SDK2: variants seen among roughly 807,000 people sequenced by gnomAD.
The protein encoded by SDK2 is protein sidekick-2.
Under a neutral mutation model 253.9 loss-of-function variants are expected in SDK2, and 105 were observed. The ratio of observed to expected loss-of-function variants is 0.41; its 90% CI spans 0.35 to 0.49. The LOEUF (loss-of-function observed/expected upper bound fraction) is 0.49, where lower values mean the gene tolerates loss of function less well. Ranked by LOEUF, SDK2 falls within the 20% of genes least tolerant of loss-of-function variation. SDK2 has a pLI of 0.06. For synonymous variants in SDK2, 1,249 were observed against 1,234.9 expected (o/e 1.01, Z -0.24); for missense variants, 2,608 against 3,003.0 (o/e 0.87, Z 3.07).
intron 20 of SDK2, 71 bp downstream of exon 20, chr17:73,401,583 A>AG: frequency 7.4e-7 from 1 of 1,356,680 alleles, no homozygotes; most frequent in South Asian, 1.2e-5. Flanking sequence ...GCTCAAAGGC[A>AG]GGGGATGGAC....
intron 36 of SDK2, among the ~76,000 whole-genome samples, chr17:73,370,551 CATTTT>C (rs112485065): frequency 0.18 from 26,894 of 150,962 alleles, 3,973 homozygotes; most frequent in African/African-American, 0.39. Context: ...CCCTCTCTCC[CATTTT>C]ATTTTATTTT....
intron 14 of SDK2, 50 bp downstream of exon 14, chr17:73,423,335 CT>C (rs2063249321): frequency 7.5e-7 from 1 of 1,341,908 alleles, no homozygotes; most frequent in African/African-American, 1.5e-5. Flanking sequence ...GGGCTGACTC[CT>C]AAGTCCAAGC....
intron 4 of SDK2, among the ~76,000 whole-genome samples, chr17:73,452,129 T>C (rs372431046): frequency 1.2e-4 from 19 of 152,258 alleles, no homozygotes; most frequent in African/African-American, 4.6e-4. Flanking sequence ...CTAGAATGTG[T>C]CCAAAGCCCC....
intron 1 of SDK2, among the ~76,000 whole-genome samples, chr17:73,533,537 A>G (rs2064187298): frequency 6.6e-6 from 1 of 152,140 alleles, no homozygotes; most frequent in East Asian, 1.9e-4. Context: ...GATCATCACT[A>G]CTGCCCACCA....
chr17:73,380,979 C>A (rs752424909), intron 33 of SDK2, 29 bp from the exon 34 acceptor site: 1 of 1,333,152 alleles, frequency 7.5e-7, no homozygotes, highest in East Asian at 2.5e-5. Context: ...GGGGCGGGGG[C>A]GCAGAGGGAG....
chr17:73,424,361 G>C (rs1488501778), intron 12 of SDK2, among the ~76,000 whole-genome samples: 1 of 152,160 alleles, frequency 6.6e-6, no homozygotes, highest in Non-Finnish European at 1.5e-5. Flanking sequence ...AGTTCAGGTT[G>C]GGTCAAAGCG....
In SDK2 at chr17:73,481,331, G is replaced by A. The variant is rs919158883; in HGVS notation, c.225-9113C>T. Among the ~76,000 whole-genome samples, 3 of 152,136 alleles carry A rather than the reference G, an allele frequency of 2.0e-5. No homozygotes were observed. The highest frequency in any genetic ancestry group is 4.4e-5 in the Non-Finnish European group (3 of 68,014). ...ACCTGAGGGTGGAGAGGGGGTACCC[G>A]CAGTGGACAGAACAGGGAGGAACCC... On this transcript the variant is annotated intron_variant, in intron 2 of 44. Coordinates refer to ENST00000392650, the MANE Select transcript of SDK2 (RefSeq NM_001144952.2). The surrounding 1 kb of genome is among the most constrained non-coding windows in gnomAD (Gnocchi z 4.5).
At chr17:73,490,159 C>T (rs1276983136) in intron 2 of SDK2, among the ~76,000 whole-genome samples, 1 of 152,146 alleles carries the variant, frequency 6.6e-6, no homozygotes, top group Admixed American at 6.6e-5. Context: ...TTTTTGGCGG[C>T]CTGTCTTGAC....
chr17:73,419,185 G>T lies in SDK2; in HGVS notation c.2167C>A (p.Leu723Ile), dbSNP rs930882595. The change falls in exon 16 of 45, where the codon CTC (leucine) becomes ATC (isoleucine). Residue 723 changes from leucine (L) to isoleucine (I), a missense_variant. Physicochemically the swap from Leu to Ile is conservative, Grantham distance 5. Coordinates refer to ENST00000392650, the MANE Select transcript of SDK2 (RefSeq NM_001144952.2). ...ACCCACCTGATGATGTAACCCTTGAGAATTCCATTCTGGTGGCTCTCAGGA... is the reference window on the plus strand; with the variant it reads ...ACCCACCTGATGATGTAACCCTTGATAATTCCATTCTGGTGGCTCTCAGGA... ...PPPESHQNGI[L>I]KGYIIRYCLA... 2.5e-6 allele frequency: 4 copies of T among 1,612,300 alleles called. No homozygotes were observed. The African/African-American group carries it at 4.0e-5, about 16-fold the overall frequency.
chr17:73,380,797 C>G (rs1207384017), intron 34 of SDK2, 97 bp downstream of exon 34: 2 of 1,104,860 alleles, frequency 1.8e-6, no homozygotes, highest in Non-Finnish European at 2.7e-6. Context: ...GGTGGGCACA[C>G]CCCCTCAACC....
chr17:73,357,845 G>C, intron 40 of SDK2: 1 of 660,486 alleles, frequency 1.5e-6, no homozygotes, highest in Non-Finnish European at 2.7e-6. Flanking sequence ...CTGGTCCTCA[G>C]TTAGCACTAA....
At position 73,410,174 on chromosome 17, in the gene SDK2, A is replaced by G. The variant is rs547009882; in HGVS notation, c.2484+4470T>C. On this transcript the variant is annotated intron_variant, in intron 18 of 44. Coordinates refer to ENST00000392650, the MANE Select transcript of SDK2 (RefSeq NM_001144952.2). ...CAGCCTGACATTTCTTTTTAATGTA[A>G]GGAAAAGTGAAGGCTCTGGTTTGAA... 1.2e-4 allele frequency among the ~76,000 whole-genome samples: 18 copies of G among 152,222 alleles called. No individual in the cohort carries two copies. The South Asian group carries it at 3.7e-3, about 32-fold the overall frequency.
Position 73,438,042 on chromosome 17 carries a change from C to T in SDK2, c.838G>A (p.Gly280Ser), listed in dbSNP as rs1322018149. 2 of 1,551,512 alleles carry T rather than the reference C, an allele frequency of 1.3e-6. No individual in the cohort carries two copies. Among genetic ancestry groups the T allele is most frequent in the Non-Finnish European group, 8.7e-7 (1 of 1,147,016 alleles). The change falls in exon 7 of 45, where the codon GGC (glycine) becomes AGC (serine). Residue 280 changes from glycine to serine, a missense_variant. Transcript: ENST00000392650. ...AGGACAGCCTCACACTCGTAGTAGCCGGCGTCACTGCCGGTGGGGTTGGGG... is the reference window on the plus strand; with the variant it reads ...AGGACAGCCTCACACTCGTAGTAGCTGGCGTCACTGCCGGTGGGGTTGGGG... ...TIPNPTGSDA[G>S]YYECEAVLRS...
At chr17:73,411,111 G>A (rs914756799) in intron 18 of SDK2, among the ~76,000 whole-genome samples, 1 of 151,934 alleles carries the variant, frequency 6.6e-6, no homozygotes, top group Non-Finnish European at 1.5e-5. Flanking sequence ...CCGGCAGCGA[G>A]TGCTCCAAGA....
Position 73,465,640 on chromosome 17 carries a change from A to G in SDK2, c.331+6472T>C, listed in dbSNP as rs1289293945. ...GAAGATGTTTTATTGACTTCCCCTT[A>G]ATTGCTGTAATTAAAAACATGTAAA... On this transcript the variant is annotated intron_variant, in intron 3 of 44. Coordinates refer to ENST00000392650, the MANE Select transcript of SDK2 (RefSeq NM_001144952.2). This position sits in a 1 kb window ranked among gnomAD's most constrained non-coding sequence, Gnocchi z 4.2. 6.6e-6 allele frequency among the ~76,000 whole-genome samples: 1 copy of G among 152,182 alleles called. No homozygotes were observed. The highest frequency in any genetic ancestry group is 1.9e-4 in the East Asian group (1 of 5,196).
At chr17:73,468,536 G>A (rs922632452) in intron 3 of SDK2, among the ~76,000 whole-genome samples, 1 of 152,012 alleles carries the variant, frequency 6.6e-6, no homozygotes, top group Non-Finnish European at 1.5e-5. Flanking sequence ...TTTTGAGATG[G>A]AGTCTCGCTC....
chr17:73,365,221 TGGG>T, intron 38 of SDK2, 34 bp downstream of exon 38: 1 of 1,396,908 alleles, frequency 7.2e-7, no homozygotes, highest in Non-Finnish European at 9.6e-7. Context: ...TTTTGCAAAG[TGGG>T]GGGCTGGGGA....
At chr17:73,537,461 G>T (rs1429927472) in intron 1 of SDK2, among the ~76,000 whole-genome samples, 1 of 152,080 alleles carries the variant, frequency 6.6e-6, no homozygotes, top group Non-Finnish European at 1.5e-5. Context: ...CCCAAAGTTG[G>T]ATCTATTGAC....
rs75334660 is a variant in SDK2, at chr17:73,424,034, G to A, written c.1642C>T (p.Leu548=). The A allele has an allele frequency of 4.9e-5, 79 of 1,612,766 alleles. No individual in the cohort carries two copies. The highest frequency in any genetic ancestry group is 6.2e-5 in the Non-Finnish European group (73 of 1,179,638). Reference sequence around the variant, plus strand: ...ATGTGCAGGGAGCCGTTTCTGTCCAGGCGGATACGAGGATGGCTCTCCGTG... The same window carrying A: ...ATGTGCAGGGAGCCGTTTCTGTCCAAGCGGATACGAGGATGGCTCTCCGTG... ...LGTESHPRIR[L]DRNGSLHISQ... The change falls in exon 13 of 45, where the codon CTG becomes TTG. Residue 548 remains leucine, a synonymous_variant. Transcript: ENST00000392650.
Sources: gnomAD v4.1 joint callset for allele counts (sites outside exome capture counted in the v4.1 genomes callset) on GRCh38, gnomAD v4.1.1 for gene constraint, Gnocchi (gnomAD v3.1) non-coding constraint, MANE v1.5 for transcripts, NCBI Gene and HGNC (gene_info 2026-07-23, HGNC 2026-07-21) for gene names.